DLGAP2: variants seen among roughly 807,000 people sequenced by gnomAD.
The protein encoded by DLGAP2 is DLG associated protein 2, also known as disks large-associated protein 2.
Under a neutral mutation model 100.3 loss-of-function variants are expected in DLGAP2, and 26 were observed. That is an observed-to-expected ratio of 0.26 (90% CI 0.19 to 0.36). DLGAP2 has a LOEUF of 0.36. Among genes scored for constraint, DLGAP2 ranks in the 10% least tolerant of loss-of-function variants. The probability of loss-of-function intolerance (pLI) is 1.00; values close to 1 mark genes in which losing one functional copy is unlikely to be tolerated. For synonymous variants in DLGAP2, 886 were observed against 630.1 expected (o/e 1.41, Z -6.08); for missense variants, 1,858 against 1,453.2 (o/e 1.28, Z -4.53).
chr8:1,330,806 C>A (rs1286201907), intron 3 of DLGAP2, among the ~76,000 whole-genome samples: 1 of 107,416 alleles, frequency 9.3e-6, no homozygotes, highest in Non-Finnish European at 1.9e-5. Flanking sequence ...TCACGGGGAC[C>A]GAGTTCTGGG....
intron 1 of DLGAP2, among the ~76,000 whole-genome samples, chr8:811,397 C>G (rs1796367442): frequency 6.7e-6 from 1 of 148,168 alleles, no homozygotes; most frequent in East Asian, 2.1e-4. Context: ...GGGGGCCCAG[C>G]CAGGGCTCCT....
intron 6 of DLGAP2, among the ~76,000 whole-genome samples, chr8:1,617,058 A>G (rs1220472715): frequency 6.6e-6 from 1 of 152,224 alleles, no homozygotes; most frequent in Non-Finnish European, 1.5e-5. Context: ...TGCAAAGGAC[A>G]TGATCTCATT....
At chr8:822,797 G>A (rs955867221) in intron 1 of DLGAP2, among the ~76,000 whole-genome samples, 7 of 152,274 alleles carry the variant, frequency 4.6e-5, no homozygotes, top group Admixed American at 3.9e-4. Context: ...ACAGCATCCT[G>A]GGGCTGTGGA....
At chr8:925,677 A>G (rs1210407845) in intron 2 of DLGAP2, among the ~76,000 whole-genome samples, 1 of 152,142 alleles carries the variant, frequency 6.6e-6, no homozygotes, top group Non-Finnish European at 1.5e-5. Flanking sequence ...CCCCATGCTT[A>G]TATATATAAA....
intron 2 of DLGAP2, among the ~76,000 whole-genome samples, chr8:1,156,173 C>T (rs753600770): frequency 2.0e-5 from 3 of 152,150 alleles, no homozygotes; most frequent in Admixed American, 6.5e-5. Flanking sequence ...TGTGAATCAC[C>T]GGGGCTGCAG....
chr8:776,060 C>T (rs1207409196), intron 1 of DLGAP2, among the ~76,000 whole-genome samples: 1 of 152,118 alleles, frequency 6.6e-6, no homozygotes, highest in East Asian at 1.9e-4. Flanking sequence ...GATTCAGCTT[C>T]TTCCTGGTTT....
intron 3 of DLGAP2, among the ~76,000 whole-genome samples, chr8:1,265,263 A>G (rs1799428723): frequency 6.6e-6 from 1 of 152,334 alleles, no homozygotes; most frequent in African/African-American, 2.4e-5. Flanking sequence ...ATGAGGAAAG[A>G]AAGACTTAAA....
chr8:1,041,870 G>C (rs1191759951), intron 2 of DLGAP2, among the ~76,000 whole-genome samples: 1 of 151,992 alleles, frequency 6.6e-6, no homozygotes, highest in African/African-American at 2.4e-5. Context: ...CCGTGGGTCA[G>C]CTGGACTCTC....
intron 2 of DLGAP2, among the ~76,000 whole-genome samples, chr8:984,622 C>T (rs975941954): frequency 1.3e-5 from 2 of 152,214 alleles, no homozygotes; most frequent in East Asian, 1.9e-4. Context: ...CTGCCACTCT[C>T]CAAGAACAGC....
At chr8:1,644,023 G>A (rs113690498) in intron 8 of DLGAP2, among the ~76,000 whole-genome samples, 12 of 66,534 alleles carry the variant, frequency 1.8e-4, no homozygotes, top group African/African-American at 8.5e-4. Flanking sequence ...CGACCCCGCC[G>A]GCCCTCACCT....
intron 1 of DLGAP2, among the ~76,000 whole-genome samples, chr8:811,066 T>C (rs539530653): frequency 4.6e-5 from 7 of 152,260 alleles, no homozygotes; most frequent in Non-Finnish European, 7.3e-5. Flanking sequence ...TTCTTGGTCG[T>C]GACCCTGATT....
intron 2 of DLGAP2, among the ~76,000 whole-genome samples, chr8:1,198,959 G>T (rs1261025468): frequency 6.6e-6 from 1 of 152,242 alleles, no homozygotes; most frequent in Non-Finnish European, 1.5e-5. Flanking sequence ...CTTGGCAAGG[G>T]CTATACCAGT....
chr8:1,707,816 G>A lies in DLGAP2; in HGVS notation c.*6410G>A, dbSNP rs1169040995. ...AAATATAAATATGAAATCATATCGAGTGTGAGGATGAGCAGAGTGCCAAAT... is the reference window on the plus strand; with the variant it reads ...AAATATAAATATGAAATCATATCGAATGTGAGGATGAGCAGAGTGCCAAAT... On this transcript the variant is annotated 3_prime_UTR_variant, in exon 15 of 15. Transcript: ENST00000637795. 2 of 152,548 alleles carry A rather than the reference G, an allele frequency of 1.3e-5. No individual in the cohort carries two copies. Among genetic ancestry groups the A allele is most frequent in the East Asian group, 3.9e-4 (2 of 5,190 alleles). 9.4% of individuals were successfully genotyped at this position (152,548 alleles called of 1,614,324 possible).
intron 3 of DLGAP2, among the ~76,000 whole-genome samples, chr8:1,386,534 A>T (rs957779656): frequency 6.6e-6 from 1 of 152,238 alleles, no homozygotes; most frequent in Non-Finnish European, 1.5e-5. Flanking sequence ...CTCCAGGCAC[A>T]GGCACACCAC....
intron 2 of DLGAP2, among the ~76,000 whole-genome samples, chr8:1,257,280 A>C (rs1010304601): frequency 6.6e-6 from 1 of 152,082 alleles, no homozygotes; most frequent in Non-Finnish European, 1.5e-5. Context: ...CCAGCCACCA[A>C]GGTCACCTTC....
rs374697442 is a variant in DLGAP2, at chr8:1,533,273, C to T, written c.173-15353C>T. Among the ~76,000 whole-genome samples the T allele has an allele frequency of 2.1e-3, 324 of 151,972 alleles. 3 individuals are homozygous for T. The highest frequency in any genetic ancestry group is 0.016 in the East Asian group (82 of 5,164). On this transcript the variant is annotated intron_variant, in intron 4 of 14. Coordinates refer to ENST00000637795, the MANE Select transcript of DLGAP2 (RefSeq NM_001346810.2). Reference sequence around the variant, plus strand: ...CAGCACTTTGGGAGGCCGAGGTGGGCAGATCATGAGGTCAGGAGATCAAGA... The same window carrying T: ...CAGCACTTTGGGAGGCCGAGGTGGGTAGATCATGAGGTCAGGAGATCAAGA...
intron 3 of DLGAP2, among the ~76,000 whole-genome samples, chr8:1,307,738 A>G (rs1272895394): frequency 6.6e-6 from 1 of 152,212 alleles, no homozygotes; most frequent in Non-Finnish European, 1.5e-5. Context: ...AACCCTGAAG[A>G]CATTCCACAA....
intron 3 of DLGAP2, among the ~76,000 whole-genome samples, chr8:1,315,347 TA>T (rs1376212176): frequency 1.4e-5 from 2 of 141,476 alleles, no homozygotes; most frequent in Non-Finnish European, 3.1e-5. Context: ...CGGCAGCGTT[TA>T]AAAATAGAGC....
intron 6 of DLGAP2, among the ~76,000 whole-genome samples, chr8:1,580,999 C>G (rs1460442486): frequency 6.6e-6 from 1 of 150,880 alleles, no homozygotes; most frequent in Non-Finnish European, 1.5e-5. Context: ...AGGATACAGA[C>G]AAAACCCCAC....
Sources: gnomAD v4.1 joint callset for allele counts (sites outside exome capture counted in the v4.1 genomes callset) on GRCh38, gnomAD v4.1.1 for gene constraint, MANE v1.5 for transcripts, NCBI Gene and HGNC (gene_info 2026-07-23, HGNC 2026-07-21) for gene names.